RSPO2: variants seen among roughly 807,000 people sequenced by gnomAD.
The protein encoded by RSPO2 is R-spondin-2.
In RSPO2, 14 loss-of-function variants were observed where a neutral mutation model predicts 30.9. The observed-to-expected ratio is 0.45, with a 90% CI of 0.30 to 0.71. The LOEUF is 0.71. Ranked by LOEUF, RSPO2 falls within the 30% of genes least tolerant of loss-of-function variation. The pLI is 0.08. For synonymous variants in RSPO2, 107 were observed against 96.4 expected (o/e 1.11, Z -0.64); for missense variants, 264 against 301.9 (o/e 0.87, Z 0.93).
intron 2 of RSPO2, among the ~76,000 whole-genome samples, chr8:108,078,892 A>C (rs1324695821): frequency 2.0e-5 from 3 of 152,226 alleles, no homozygotes; most frequent in African/African-American, 7.2e-5. Context: ...AAATACCACA[A>C]GGTATAAAAA....
At chr8:107,904,493 G>A (rs963721775) in intron 5 of RSPO2, among the ~76,000 whole-genome samples, 2 of 151,976 alleles carry the variant, frequency 1.3e-5, no homozygotes, top group South Asian at 4.1e-4. Flanking sequence ...CATAACTAAG[G>A]GAATCTCTTC....
In RSPO2 at chr8:107,981,196, T is replaced by C. The variant is rs181528180; in HGVS notation, c.283+7860A>G. Among the ~76,000 whole-genome samples, 661 of 152,158 alleles carry C rather than the reference T, an allele frequency of 4.3e-3. 13 individuals are homozygous for C. The highest frequency in any genetic ancestry group is 0.035 in the East Asian group (180 of 5,176). On this transcript the variant is annotated intron_variant, in intron 3 of 5. Transcript: ENST00000276659. ...ATTTTAAATACCTAGACTTTTTTTT[T>C]CCCCAAATGCATCATTAAATTACAT...
chr8:108,040,046 T>G (rs935397793), intron 2 of RSPO2, among the ~76,000 whole-genome samples: 4 of 152,182 alleles, frequency 2.6e-5, no homozygotes, highest in African/African-American at 4.8e-5. Context: ...AAGTTTCTGC[T>G]GCTTACAAGC....
chr8:107,903,273 T>G (rs1344102806), intron 5 of RSPO2, among the ~76,000 whole-genome samples: 1 of 152,086 alleles, frequency 6.6e-6, no homozygotes, highest in Non-Finnish European at 1.5e-5. Context: ...AATGGAAAAA[T>G]AAAGCTTATC....
At chr8:107,948,886 T>TAAAA (rs1563534381) in intron 5 of RSPO2, among the ~76,000 whole-genome samples, 3 of 148,714 alleles carry the variant, frequency 2.0e-5, no homozygotes, top group Non-Finnish European at 4.5e-5. Context: ...AATAAATAAA[T>TAAAA]AAAAATCTAT....
chr8:108,030,784 C>T (rs979912229), intron 2 of RSPO2, among the ~76,000 whole-genome samples: 10 of 152,168 alleles, frequency 6.6e-5, no homozygotes, highest in Non-Finnish European at 8.8e-5. Context: ...AATTAAAACT[C>T]ATAAGAAAAG....
At chr8:108,074,191 G>A (rs13256880) in intron 2 of RSPO2, among the ~76,000 whole-genome samples, 46,106 of 152,008 alleles carry the variant, frequency 0.3, 7,828 homozygotes, top group African/African-American at 0.46. Flanking sequence ...AGTGCTCTTA[G>A]TATCTTTCAG....
intron 2 of RSPO2, among the ~76,000 whole-genome samples, chr8:108,030,119 G>GAAAAAAAAA (rs11434221): frequency 8.5e-5 from 6 of 70,980 alleles, no homozygotes; most frequent in Admixed American, 7.2e-4. Context: ...GGATAGATAG[G>GAAAAAAAAA]AAAAAAAAAA....
intron 2 of RSPO2, chr8:108,081,839 C>G (rs1013615552): frequency 1.5e-4 from 139 of 915,292 alleles, no homozygotes; most frequent in Non-Finnish European, 1.7e-4. Context: ...ATGGAGAGAG[C>G]GAAGTGGGGC....
chr8:108,003,418 C>A (rs1201880321), intron 2 of RSPO2, among the ~76,000 whole-genome samples: 1 of 146,082 alleles, frequency 6.8e-6, no homozygotes, highest in Non-Finnish European at 1.5e-5. Context: ...CTCTGGTGAT[C>A]CTCTGGCCTC....
At chr8:107,966,522 C>T (rs1381683354) in intron 3 of RSPO2, among the ~76,000 whole-genome samples, 1 of 152,106 alleles carries the variant, frequency 6.6e-6, no homozygotes, top group Non-Finnish European at 1.5e-5. Context: ...TCAGGAAAAC[C>T]ATTGGTAGGC....
intron 2 of RSPO2, among the ~76,000 whole-genome samples, chr8:108,044,108 A>T (rs1811838215): frequency 6.6e-6 from 1 of 151,606 alleles, no homozygotes; most frequent in Admixed American, 6.6e-5. Context: ...CCACTATCCT[A>T]CCTAAAGTGG....
At chr8:108,013,603 G>T (rs2130592139) in intron 2 of RSPO2, among the ~76,000 whole-genome samples, 1 of 152,286 alleles carries the variant, frequency 6.6e-6, no homozygotes, top group Non-Finnish European at 1.5e-5. Context: ...AATGGGGAAA[G>T]GATTCCCTAT....
At chr8:107,944,286 TA>T (rs1166608214) in intron 5 of RSPO2, among the ~76,000 whole-genome samples, 1 of 152,192 alleles carries the variant, frequency 6.6e-6, no homozygotes, top group African/African-American at 2.4e-5. Context: ...TAAAATGTTA[TA>T]GGGGCAATTC....
At chr8:108,069,187 G>T (rs1384947722) in intron 2 of RSPO2, among the ~76,000 whole-genome samples, 1 of 148,982 alleles carries the variant, frequency 6.7e-6, no homozygotes, top group Non-Finnish European at 1.5e-5. Context: ...CATTGTTGGT[G>T]CATGTATGTG....
At chr8:108,019,517 C>T (rs556013978) in intron 2 of RSPO2, among the ~76,000 whole-genome samples, 2 of 130,656 alleles carry the variant, frequency 1.5e-5, no homozygotes, top group Non-Finnish European at 3.2e-5. Flanking sequence ...CTCAGCCTTT[C>T]GGTCTTCTCA....
intron 5 of RSPO2, among the ~76,000 whole-genome samples, chr8:107,902,826 A>T (rs893475272): frequency 2.6e-5 from 4 of 152,134 alleles, no homozygotes; most frequent in African/African-American, 9.7e-5. Context: ...GCATTAAAAC[A>T]ATGAGAACAT....
At position 107,962,703 on chromosome 8, in the gene RSPO2, AC is replaced by A. The variant is rs1393423538; in HGVS notation, c.284-1887del. ...TTTTCTTGCTATATTTTTTTAAAAAACAAGCAGCCCTTCCTGCCGTAGTTAT... is the reference window on the plus strand; with the variant it reads ...TTTTCTTGCTATATTTTTTTAAAAAAAAGCAGCCCTTCCTGCCGTAGTTAT... On this transcript the variant is annotated intron_variant, in intron 3 of 5. Transcript: ENST00000276659. Among the ~76,000 whole-genome samples, 5 of 152,290 alleles carry A rather than the reference AC, an allele frequency of 3.3e-5. No homozygotes were observed. The East Asian group carries it at 7.7e-4, about 23-fold the overall frequency.
chr8:108,061,128 A>C (rs1219000160), intron 2 of RSPO2, among the ~76,000 whole-genome samples: 2 of 151,828 alleles, frequency 1.3e-5, no homozygotes, highest in Non-Finnish European at 2.9e-5. Flanking sequence ...TGCATCAACT[A>C]ACAAGCAAAA....
Sources: allele counts gnomAD v4.1 joint callset (sites outside exome capture counted in the v4.1 genomes callset), GRCh38; gene constraint gnomAD v4.1.1; transcripts MANE v1.5; gene names NCBI Gene and HGNC (gene_info 2026-07-23, HGNC 2026-07-21).